ATG5: variants seen among roughly 807,000 people sequenced by gnomAD.
ATG5 encodes autophagy related 5.
ATG5 carries 14 observed loss-of-function variants against 36.5 expected under a neutral mutation model. The ratio of observed to expected loss-of-function variants is 0.38; its 90% CI spans 0.25 to 0.60. The LOEUF is 0.60. ATG5 is among the 20% of genes least tolerant of loss of function. The pLI, the probability that ATG5 is intolerant of heterozygous loss-of-function variation, is 0.60. For synonymous variants in ATG5, 95 were observed against 101.5 expected, an observed-to-expected ratio of 0.94 and a Z score of 0.38; for missense variants, 195 against 326.7, an observed-to-expected ratio of 0.60 and a Z score of 3.11.
chr6:106,294,033 C>G (rs1780432329), intron 3 of ATG5, among the ~76,000 whole-genome samples: 1 of 151,584 alleles, frequency 6.6e-6, no homozygotes, highest in East Asian at 1.9e-4. Flanking sequence ...CATCACAAAT[C>G]TGAAAATCTG....
At chr6:106,189,798 A>G (rs1361148050) in intron 7 of ATG5, among the ~76,000 whole-genome samples, 1 of 152,190 alleles carries the variant, frequency 6.6e-6, no homozygotes, top group African/African-American at 2.4e-5. Flanking sequence ...ATGTCACTAC[A>G]AAGAAAATGA....
intron 7 of ATG5, among the ~76,000 whole-genome samples, chr6:106,187,647 G>T (rs1195694694): frequency 6.6e-6 from 1 of 152,118 alleles, no homozygotes; most frequent in African/African-American, 2.4e-5. Context: ...AGGGAATCAA[G>T]CAACTCTATA....
rs1777186555 is a variant in ATG5 at position 106,220,149 on chromosome 6, G to C, written c.574-18060C>G. ...TGTTTATGCTAGATTATATTTCTAA[G>C]CTGAGAATTACATTTTAATATACCA... On this transcript the variant is annotated intron_variant, in intron 6 of 7. Transcript: ENST00000369076. Among the ~76,000 whole-genome samples the C allele has an allele frequency of 2.0e-5, 3 of 152,126 alleles. No individual in the cohort carries two copies. The South Asian group carries it at 6.2e-4, about 31-fold the overall frequency.
chr6:106,285,208 T>C (rs1780029219), intron 4 of ATG5, among the ~76,000 whole-genome samples: 1 of 152,344 alleles, frequency 6.6e-6, no homozygotes, highest in South Asian at 2.1e-4. Context: ...TAAGCCCATG[T>C]AGTAAATTCC....
At chr6:106,287,656 T>A (rs775810854) in intron 4 of ATG5, among the ~76,000 whole-genome samples, 2 of 152,218 alleles carry the variant, frequency 1.3e-5, no homozygotes, top group African/African-American at 4.8e-5. Flanking sequence ...AAACTTTATT[T>A]AGGATTTGCA....
At chr6:106,211,403 A>G (rs1012866516) in intron 6 of ATG5, among the ~76,000 whole-genome samples, 1 of 152,162 alleles carries the variant, frequency 6.6e-6, no homozygotes. Flanking sequence ...CAAGGGGCTC[A>G]AGTTTATTTA....
intron 6 of ATG5, among the ~76,000 whole-genome samples, chr6:106,235,076 G>A (rs1156615394): frequency 7.9e-5 from 12 of 152,158 alleles, no homozygotes; most frequent in Admixed American, 6.5e-5. Flanking sequence ...TGAATACAAC[G>A]TAGAACAGAG....
intron 3 of ATG5, among the ~76,000 whole-genome samples, chr6:106,303,356 C>G (rs1028624992): frequency 6.6e-6 from 1 of 151,998 alleles, no homozygotes; most frequent in African/African-American, 2.4e-5. Context: ...ACTACCAACA[C>G]TCAATGAAGA....
At chr6:106,262,351 A>T (rs937746098) in intron 5 of ATG5, among the ~76,000 whole-genome samples, 2 of 152,180 alleles carry the variant, frequency 1.3e-5, no homozygotes, top group Admixed American at 1.3e-4. Context: ...GGCATGAGCC[A>T]CTGCACCCGG....
At chr6:106,242,011 T>C (rs552177416) in intron 6 of ATG5, among the ~76,000 whole-genome samples, 1 of 152,224 alleles carries the variant, frequency 6.6e-6, no homozygotes, top group East Asian at 1.9e-4. Context: ...TTATTCACAA[T>C]AGCCAAAAGG....
At chr6:106,226,586 C>A (rs1180988839) in intron 6 of ATG5, among the ~76,000 whole-genome samples, 2 of 152,144 alleles carry the variant, frequency 1.3e-5, no homozygotes, top group Non-Finnish European at 2.9e-5. Context: ...AACAATATTT[C>A]TGATCCTTCA....
At chr6:106,197,280 G>A (rs1776232943) in intron 7 of ATG5, among the ~76,000 whole-genome samples, 1 of 152,180 alleles carries the variant, frequency 6.6e-6, no homozygotes, top group Non-Finnish European at 1.5e-5. Context: ...TCAGTACTTT[G>A]TGAAGCTAAA....
intron 6 of ATG5, among the ~76,000 whole-genome samples, chr6:106,228,231 G>A (rs1342477036): frequency 6.6e-6 from 1 of 152,008 alleles, no homozygotes; most frequent in East Asian, 1.9e-4. Context: ...TGTTTGTTAC[G>A]GCTCGAGCTG....
intron 6 of ATG5, among the ~76,000 whole-genome samples, chr6:106,226,751 C>T (rs746834947): frequency 6.6e-6 from 1 of 152,026 alleles, no homozygotes; most frequent in Non-Finnish European, 1.5e-5. Flanking sequence ...CATTCCCAAA[C>T]AGAAATAGAA....
chr6:106,318,143 A>C (rs764112604), intron 1 of ATG5, among the ~76,000 whole-genome samples: 27 of 152,184 alleles, frequency 1.8e-4, no homozygotes, highest in Admixed American at 3.3e-4. Flanking sequence ...AATATAATCC[A>C]AGACAATTGC....
intron 6 of ATG5, among the ~76,000 whole-genome samples, chr6:106,227,392 TGAA>T (rs1239674529): frequency 1.3e-5 from 2 of 152,142 alleles, no homozygotes; most frequent in African/African-American, 2.4e-5. Context: ...GGCAAGGAGT[TGAA>T]GACCAGCCTG....
At chr6:106,254,299 A>G (rs1778714656) in intron 5 of ATG5, among the ~76,000 whole-genome samples, 1 of 152,174 alleles carries the variant, frequency 6.6e-6, no homozygotes, top group Non-Finnish European at 1.5e-5. Flanking sequence ...ACTTATCGTT[A>G]CTTCAAATTA....
rs141834176 is a variant in ATG5, at chr6:106,290,259, A to ATTTAT, written c.315+2764_315+2768dup. On this transcript the variant is annotated intron_variant, in intron 4 of 7. Coordinates refer to ENST00000369076, the MANE Select transcript of ATG5 (RefSeq NM_004849.4). Reference sequence around the variant, plus strand: ...TTATTTATCTATTTTATTTTATTTTATTTATTTTATTTTATTTTATTTTAT... The same window carrying ATTTAT: ...TTATTTATCTATTTTATTTTATTTTATTTATTTTATTTTATTTTATTTTATTTTAT... Among the ~76,000 whole-genome samples, 207 of 141,576 alleles carry ATTTAT rather than the reference A, an allele frequency of 1.5e-3. 1 individual carries two copies. Among genetic ancestry groups the ATTTAT allele is most frequent in the African/African-American group, 2.7e-3 (102 of 37,250 alleles). 92.9% of individuals were successfully genotyped at this position (141,576 alleles called of 152,430 possible).
At chr6:106,225,724 C>T (rs764689974) in intron 6 of ATG5, among the ~76,000 whole-genome samples, 1 of 152,046 alleles carries the variant, frequency 6.6e-6, no homozygotes, top group Admixed American at 6.6e-5. Flanking sequence ...TCTGCCAGTT[C>T]CCTAGAAAAA....
Sources: gnomAD v4.1 joint callset for allele counts (sites outside exome capture counted in the v4.1 genomes callset) on GRCh38, gnomAD v4.1.1 for gene constraint, MANE v1.5 for transcripts, NCBI Gene and HGNC (gene_info 2026-07-23, HGNC 2026-07-21) for gene names.